The following XKR9 variants were observed in gnomAD, a reference collection of about 807,000 sequenced individuals.
XKR9 encodes the protein XK-related protein 9.
Under a neutral mutation model 32.0 loss-of-function variants are expected in XKR9, and 32 were observed. The ratio of observed to expected loss-of-function variants is 1.00; its 90% CI spans 0.76 to 1.34. XKR9 has a LOEUF of 1.34. Among genes scored for constraint, XKR9 ranks in the 40% most tolerant of loss-of-function variants. The pLI is 0.00. For missense variants in XKR9, 546 were observed against 429.7 expected, an observed-to-expected ratio of 1.27 and a Z score of -2.39; for synonymous variants, 168 against 143.4, an observed-to-expected ratio of 1.17 and a Z score of -1.22.
At chr8:70,828,014 T>C in the XKR9 span, among the ~76,000 whole-genome samples, 1 of 152,198 alleles carries the variant, frequency 6.6e-6, no homozygotes, top group Non-Finnish European at 1.5e-5. Flanking sequence ...ATATGCTTTT[T>C]GCACAAGAAT....
chr8:70,695,934 G>A (rs549834748), intron 3 of XKR9, among the ~76,000 whole-genome samples: 1 of 151,910 alleles, frequency 6.6e-6, no homozygotes, highest in Admixed American at 6.6e-5. Context: ...GCCAGTGATG[G>A]TGAGCATTTT....
chr8:71,063,107 C>T, the XKR9 span, among the ~76,000 whole-genome samples: 2 of 152,114 alleles, frequency 1.3e-5, no homozygotes, highest in Admixed American at 1.3e-4. Flanking sequence ...TTTCCAAATT[C>T]TCTAATCTTG....
chr8:70,895,232 A>G, the XKR9 span, among the ~76,000 whole-genome samples: 2 of 152,038 alleles, frequency 1.3e-5, no homozygotes, highest in Admixed American at 1.3e-4. Flanking sequence ...GTGGTGAAGG[A>G]TCAGAATTTC....
At chr8:70,912,536 T>C in the XKR9 span, among the ~76,000 whole-genome samples, 1 of 152,146 alleles carries the variant, frequency 6.6e-6, no homozygotes, top group Non-Finnish European at 1.5e-5. Context: ...TAGGAAATAC[T>C]GGAGGAAGAA....
chr8:70,798,250 T>G, the XKR9 span, among the ~76,000 whole-genome samples: 6 of 152,186 alleles, frequency 3.9e-5, no homozygotes, highest in Non-Finnish European at 8.8e-5. Flanking sequence ...ATATCCATTC[T>G]GACTGGTGTG....
the XKR9 span, among the ~76,000 whole-genome samples, chr8:70,962,940 G>A: frequency 3.2e-4 from 48 of 152,230 alleles, no homozygotes; most frequent in Admixed American, 1.2e-3. Flanking sequence ...ATAAAGCCAG[G>A]ACTTCAGAGT....
chr8:70,958,472 AAT>A, the XKR9 span, among the ~76,000 whole-genome samples: 1 of 152,102 alleles, frequency 6.6e-6, no homozygotes, highest in Non-Finnish European at 1.5e-5. Context: ...ATCTTTTTAA[AAT>A]ATGTTTGTTG....
At chr8:70,801,056 A>G in the XKR9 span, among the ~76,000 whole-genome samples, 22 of 150,046 alleles carry the variant, frequency 1.5e-4, no homozygotes, top group African/African-American at 5.4e-4. Flanking sequence ...TTTAATTTGA[A>G]TATTCTATTT....
chr8:70,749,623 C>T (rs1807108348), intron 2 of XKR9, among the ~76,000 whole-genome samples: 1 of 152,230 alleles, frequency 6.6e-6, no homozygotes, highest in Non-Finnish European at 1.5e-5. Context: ...CACTCACACA[C>T]CTCTCACCAC....
the XKR9 span, among the ~76,000 whole-genome samples, chr8:70,911,463 G>T: frequency 6.6e-6 from 1 of 152,124 alleles, no homozygotes; most frequent in African/African-American, 2.4e-5. Context: ...TTTACTTTGT[G>T]TCAGTAATAC....
At chr8:70,849,848 C>A in the XKR9 span, among the ~76,000 whole-genome samples, 1 of 152,136 alleles carries the variant, frequency 6.6e-6, no homozygotes. Context: ...CACCTCTCCA[C>A]AAATAAGCTG....
intron 2 of XKR9, among the ~76,000 whole-genome samples, chr8:70,774,332 G>T (rs1807490802): frequency 6.6e-6 from 1 of 152,072 alleles, no homozygotes; most frequent in Admixed American, 6.6e-5. Flanking sequence ...ATGGGGTCTT[G>T]TTATGTTGCT....
the XKR9 span, among the ~76,000 whole-genome samples, chr8:71,008,467 T>G: frequency 6.6e-6 from 1 of 152,170 alleles, no homozygotes; most frequent in Admixed American, 6.5e-5. Context: ...TGTCTGTGCC[T>G]TTAATGCTGT....
At chr8:70,691,988 G>A (rs1412663101) in intron 3 of XKR9, among the ~76,000 whole-genome samples, 1 of 152,014 alleles carries the variant, frequency 6.6e-6, no homozygotes, top group Admixed American at 6.6e-5. Flanking sequence ...CGTTGAATAT[G>A]TAAATTGTTT....
chr8:70,885,085 A>G, the XKR9 span, among the ~76,000 whole-genome samples: 1 of 151,766 alleles, frequency 6.6e-6, no homozygotes, highest in Non-Finnish European at 1.5e-5. Flanking sequence ...CACAGATCTT[A>G]TACTTTTTTT....
chr8:70,861,755 G>T, the XKR9 span, among the ~76,000 whole-genome samples: 1 of 152,142 alleles, frequency 6.6e-6, no homozygotes, highest in Non-Finnish European at 1.5e-5. Context: ...CGTAAGCACT[G>T]TATACATATT....
chr8:70,929,514 C>T, the XKR9 span, among the ~76,000 whole-genome samples: 26 of 152,254 alleles, frequency 1.7e-4, no homozygotes, highest in South Asian at 1.7e-3. Context: ...CAGAAATCAA[C>T]GTGTAGGTCA....
intron 4 of XKR9, among the ~76,000 whole-genome samples, chr8:70,715,581 A>G (rs1413794431): frequency 6.6e-6 from 1 of 152,148 alleles, no homozygotes; most frequent in Non-Finnish European, 1.5e-5. Flanking sequence ...AGAAATCACC[A>G]AAGAATAAAA....
At chr8:71,022,315 G>C in the XKR9 span, among the ~76,000 whole-genome samples, 3 of 152,124 alleles carry the variant, frequency 2.0e-5, no homozygotes, top group Non-Finnish European at 4.4e-5. Flanking sequence ...GGCCAGTCTA[G>C]TGGCAATGAA....
Sources: gnomAD v4.1 joint callset for allele counts (sites outside exome capture counted in the v4.1 genomes callset) on GRCh38, gnomAD v4.1.1 for gene constraint, MANE v1.5 for transcripts, NCBI Gene and HGNC (gene_info 2026-07-23, HGNC 2026-07-21) for gene names.